PEBP4: variants seen among roughly 807,000 people sequenced by gnomAD.
PEBP4 encodes phosphatidylethanolamine binding protein 4.
PEBP4 carries 22 observed loss-of-function variants against 23.9 expected under a neutral mutation model. The observed-to-expected ratio is 0.92, with a 90% CI of 0.66 to 1.31. The LOEUF is 1.31. Ranked by LOEUF, PEBP4 falls within the 40% of genes most tolerant of loss-of-function variation. The pLI, the probability that PEBP4 is intolerant of heterozygous loss-of-function variation, is 0.00. For missense variants in PEBP4, 324 were observed against 281.7 expected (o/e 1.15, Z -1.07); for synonymous variants, 112 against 99.3 (o/e 1.13, Z -0.76).
chr8:22,927,739 T>C lies in PEBP4; in HGVS notation c.-6-19A>G, dbSNP rs1054618991. On this transcript the variant is annotated intron_variant, in intron 1 of 6. Coordinates refer to ENST00000256404, the MANE Select transcript of PEBP4 (RefSeq NM_144962.3). ...TGGGCACCTGGAACAGAAAGAACTTTAGAGCGGCTGGATCCCCTGCAGGGG... is the reference window on the plus strand; with the variant it reads ...TGGGCACCTGGAACAGAAAGAACTTCAGAGCGGCTGGATCCCCTGCAGGGG... 9 of 1,613,038 alleles carry C rather than the reference T, an allele frequency of 5.6e-6. No homozygotes were observed. The highest frequency in any genetic ancestry group is 7.6e-6 in the Non-Finnish European group (9 of 1,179,472).
intron 4 of PEBP4, among the ~76,000 whole-genome samples, chr8:22,797,761 G>T (rs901163035): frequency 1.3e-5 from 2 of 152,182 alleles, no homozygotes; most frequent in East Asian, 3.8e-4. Flanking sequence ...TATCACGACT[G>T]TTCACTGACT....
At chr8:22,717,884 G>A (rs1010259806) in intron 6 of PEBP4, among the ~76,000 whole-genome samples, 80 of 152,156 alleles carry the variant, frequency 5.3e-4, no homozygotes, top group African/African-American at 1.8e-3. Flanking sequence ...TGTCTGGCTC[G>A]TCACGGGACC....
At chr8:22,910,326 A>AACAT (rs1808912934) in intron 3 of PEBP4, among the ~76,000 whole-genome samples, 1 of 152,248 alleles carries the variant, frequency 6.6e-6, no homozygotes, top group Non-Finnish European at 1.5e-5. Context: ...CCAAGCCCCC[A>AACAT]ACATCCCGCG....
chr8:22,743,762 T>C (rs1805050593), intron 4 of PEBP4, among the ~76,000 whole-genome samples: 1 of 152,218 alleles, frequency 6.6e-6, no homozygotes, highest in South Asian at 2.1e-4. Flanking sequence ...ATTCAGCACC[T>C]GCCGGCAGCA....
intron 3 of PEBP4, among the ~76,000 whole-genome samples, chr8:22,849,171 A>G (rs1351800704): frequency 1.3e-5 from 2 of 152,242 alleles, no homozygotes; most frequent in African/African-American, 4.8e-5. Flanking sequence ...GTTCTAATAG[A>G]TGACTTCAGT....
At chr8:22,799,226 G>A (rs1806332869) in intron 4 of PEBP4, among the ~76,000 whole-genome samples, 1 of 152,124 alleles carries the variant, frequency 6.6e-6, no homozygotes, top group African/African-American at 2.4e-5. Context: ...CTCACTTTCT[G>A]TCATTGTGCG....
chr8:22,904,465 A>G (rs1808770362), intron 3 of PEBP4, among the ~76,000 whole-genome samples: 1 of 152,112 alleles, frequency 6.6e-6, no homozygotes, highest in South Asian at 2.1e-4. Flanking sequence ...CAGCACTCAG[A>G]CCATTTGGGT....
intron 3 of PEBP4, chr8:22,887,149 T>G (rs565750948): frequency 6.6e-6 from 1 of 151,800 alleles, no homozygotes; most frequent in Non-Finnish European, 1.5e-5. Context: ...TCTATATATA[T>G]AATTTTTCTT....
chr8:22,768,736 G>T (rs373012096), intron 4 of PEBP4, among the ~76,000 whole-genome samples: 170 of 152,168 alleles, frequency 1.1e-3, no homozygotes, highest in African/African-American at 3.8e-3. Flanking sequence ...ATGGGGAGAG[G>T]AGTGGGGGCG....
intron 3 of PEBP4, among the ~76,000 whole-genome samples, chr8:22,835,138 C>T (rs1451629477): frequency 6.6e-6 from 1 of 152,168 alleles, no homozygotes; most frequent in East Asian, 1.9e-4. Flanking sequence ...TACATATAGG[C>T]TGTGGCTTAG....
intron 3 of PEBP4, among the ~76,000 whole-genome samples, chr8:22,844,487 C>T (rs1172992961): frequency 6.6e-6 from 1 of 152,190 alleles, no homozygotes; most frequent in Non-Finnish European, 1.5e-5. Context: ...GATCCACCCA[C>T]CTCAGCCTCC....
chr8:22,815,375 C>T (rs1053070981), intron 4 of PEBP4, among the ~76,000 whole-genome samples: 6 of 152,190 alleles, frequency 3.9e-5, no homozygotes, highest in African/African-American at 7.2e-5. Context: ...TTTTAACAAG[C>T]TCGTCTGCCA....
intron 3 of PEBP4, among the ~76,000 whole-genome samples, chr8:22,891,610 A>C (rs76099405): frequency 3.3e-5 from 5 of 152,232 alleles, no homozygotes; most frequent in African/African-American, 1.2e-4. Context: ...CAAATGTTCC[A>C]TTTATTTATA....
Position 22,817,791 on chromosome 8 carries a change from C to T in PEBP4, c.259-56G>A, listed in dbSNP as rs1806776189. On this transcript the variant is annotated intron_variant, in intron 3 of 6. Transcript: ENST00000256404. ...CGTCATGGCTGAAATAGGAAAATAC[C>T]ACGGGGCAGACCTCCTTTTCCCGCC... is the stretch of plus-strand genomic sequence containing the variant. The T allele has an allele frequency of 3.3e-6, 5 of 1,511,756 alleles. No homozygotes were observed. The South Asian group carries it at 4.5e-5, about 14-fold the overall frequency. 93.6% of individuals were successfully genotyped at this position (1,511,756 alleles called of 1,614,324 possible).
chr8:22,938,363 C>A (rs116735009), intron 1 of PEBP4, among the ~76,000 whole-genome samples: 1,811 of 152,264 alleles, frequency 0.012, 32 homozygotes, highest in African/African-American at 0.042. Context: ...TGCCCCATGA[C>A]CCACCTGGCT....
At chr8:22,784,291 G>A (rs948643740) in intron 4 of PEBP4, among the ~76,000 whole-genome samples, 4 of 152,216 alleles carry the variant, frequency 2.6e-5, no homozygotes, top group Non-Finnish European at 4.4e-5. Context: ...GAAGAGGTGG[G>A]GCTTGCGTAG....
chr8:22,800,976 GC>G (rs1031830463), intron 4 of PEBP4, among the ~76,000 whole-genome samples: 1 of 151,704 alleles, frequency 6.6e-6, no homozygotes, highest in African/African-American at 2.4e-5. Context: ...CACCTTCACG[GC>G]CCCACCCAAC....
intron 4 of PEBP4, among the ~76,000 whole-genome samples, chr8:22,737,770 G>C (rs543522148): frequency 6.6e-6 from 1 of 152,208 alleles, no homozygotes. Context: ...CTGAGTTTCC[G>C]TACCTATAAA....
At chr8:22,773,572 A>G (rs939856147) in intron 4 of PEBP4, among the ~76,000 whole-genome samples, 61 of 152,158 alleles carry the variant, frequency 4.0e-4, no homozygotes, top group Admixed American at 2.1e-3. Flanking sequence ...CCCTCTCCCT[A>G]CAGAACAGCT....
Sources: gnomAD v4.1 joint callset for allele counts (sites outside exome capture counted in the v4.1 genomes callset) on GRCh38, gnomAD v4.1.1 for gene constraint, MANE v1.5 for transcripts, NCBI Gene and HGNC (gene_info 2026-07-23, HGNC 2026-07-21) for gene names.